The following METTL13 variants were observed in gnomAD, a reference collection of about 807,000 sequenced individuals.
The protein encoded by METTL13 is eEF1A lysine and N-terminal methyltransferase.
A neutral mutation model predicts 67.4 loss-of-function variants in METTL13; 52 were observed. That is an observed-to-expected ratio of 0.77 (90% confidence interval 0.62 to 0.97). The LOEUF is 0.97. METTL13 is among the 50% of genes least tolerant of loss of function. METTL13 has a pLI of 0.00. For missense variants in METTL13, 825 were observed against 889.6 expected, an observed-to-expected ratio of 0.93 and a Z score of 0.92; for synonymous variants, 354 against 353.6, an observed-to-expected ratio of 1.00 and a Z score of -0.01.
intron 7 of METTL13, among the ~76,000 whole-genome samples, chr1:171,795,202 A>G (rs1309716088): frequency 6.6e-6 from 1 of 152,142 alleles, no homozygotes; most frequent in Non-Finnish European, 1.5e-5. Flanking sequence ...TTGTGTTTAC[A>G]TGGCTTATTT....
At position 171,796,778 on chromosome 1, in the gene METTL13, C is replaced by T. The variant is rs2029862879; in HGVS notation, c.*22C>T. ...GTGACTGCTTAGGCCAAGCAGCCCTCCTGCCTAGACTGACCTTGGACTCCC... is the reference window on the plus strand; with the variant it reads ...GTGACTGCTTAGGCCAAGCAGCCCTTCTGCCTAGACTGACCTTGGACTCCC... On this transcript the variant is annotated 3_prime_UTR_variant, in exon 8 of 8. Transcript: ENST00000361735. 2 of 1,605,676 alleles carry T rather than the reference C, an allele frequency of 1.2e-6. No homozygotes were observed. Among genetic ancestry groups the T allele is most frequent in the Non-Finnish European group, 1.7e-6 (2 of 1,174,602 alleles).
chr1:171,783,382 C>T (rs1362299650), intron 1 of METTL13, among the ~76,000 whole-genome samples: 1 of 152,130 alleles, frequency 6.6e-6, no homozygotes, highest in Admixed American at 6.5e-5. Flanking sequence ...TAGGGTTATT[C>T]CTGGCCTAGG....
At chr1:171,792,293 G>A in intron 6 of METTL13, 58 bp downstream of exon 6, 1 of 1,577,366 alleles carries the variant, frequency 6.3e-7, no homozygotes, top group Non-Finnish European at 8.7e-7. Flanking sequence ...GACATTGTCA[G>A]GCCCGCAAGG....
chr1:171,782,745 A>G (rs1656869212), intron 1 of METTL13, among the ~76,000 whole-genome samples: 1 of 152,152 alleles, frequency 6.6e-6, no homozygotes, highest in Non-Finnish European at 1.5e-5. Flanking sequence ...TTGTTTTTCA[A>G]ATAGTCGTTG....
chr1:171,786,918 G>T (rs906480746), intron 3 of METTL13, among the ~76,000 whole-genome samples: 1 of 151,862 alleles, frequency 6.6e-6, no homozygotes, highest in Non-Finnish European at 1.5e-5. Context: ...GAAAGCAAAG[G>T]TATCTAGAGG....
Position 171,785,936 on chromosome 1 carries a change from T to A in METTL13, c.971T>A (p.Leu324Gln). 1 of 1,613,846 alleles carries A rather than the reference T, an allele frequency of 6.2e-7. No homozygotes were observed. Among genetic ancestry groups the A allele is most frequent in the Non-Finnish European group, 8.5e-7 (1 of 1,180,004 alleles). Residue 324 changes from leucine to glutamine, a missense_variant, in exon 3 of 8, where the codon CTG (leucine) becomes CAG (glutamine). Leu to Gln is a moderately radical substitution (Grantham distance 113). Transcript: ENST00000361735. ...LFGMDEGRKQ[L>Q]AASAGFRRLI... ...GGCATGGATGAGGGCCGGAAACAGC[T>A]GGCGGCCAGTGCTGGCTTCAGGAGG...
At chr1:171,791,172 C>G (rs553092315) in intron 5 of METTL13, among the ~76,000 whole-genome samples, 1 of 152,332 alleles carries the variant, frequency 6.6e-6, no homozygotes, top group East Asian at 1.9e-4. Context: ...ATGTATGTCA[C>G]TAGAATCTCA....
chr1:171,789,848 T>TGGG (rs1657143949), intron 4 of METTL13, among the ~76,000 whole-genome samples: 1 of 99,408 alleles, frequency 1.0e-5, no homozygotes, highest in African/African-American at 3.8e-5. Flanking sequence ...TGGGGCGGGG[T>TGGG]AGGGGGGGCA....
rs1307540327 is a variant in METTL13 at position 171,796,735 on chromosome 1, C to T, written c.2079C>T (p.Leu693=). 1 of 1,613,766 alleles carries T rather than the reference C, an allele frequency of 6.2e-7. No individual in the cohort carries two copies. Among genetic ancestry groups the T allele is most frequent in the Non-Finnish European group, 8.5e-7 (1 of 1,179,892 alleles). Reference sequence around the variant, plus strand: ...ACACGTATGTCTTGTCAGATATGCTCAAGACGGTGAAAATTGTGTGACTGC... The same window carrying T: ...ACACGTATGTCTTGTCAGATATGCTTAAGACGGTGAAAATTGTGTGACTGC... The part of the protein sequence containing the change: ...WDDTYVLSDM[L]KTVKIV The change falls in exon 8 of 8, where the codon CTC becomes CTT. Residue 693 remains leucine (L), a synonymous_variant. Coordinates refer to ENST00000361735, the MANE Select transcript of METTL13 (RefSeq NM_015935.5).
chr1:171,795,042 T>A (rs141324805), intron 7 of METTL13, among the ~76,000 whole-genome samples: 101 of 152,222 alleles, frequency 6.6e-4, no homozygotes, highest in African/African-American at 2.3e-3. Context: ...CCCAGGCTGG[T>A]CTCAAACTCC....
In METTL13 at chr1:171,797,331, T is replaced by C. The variant is rs1221079662; in HGVS notation, c.*575T>C. 6.5e-6 allele frequency: 1 copy of C among 153,274 alleles called. No homozygotes were observed. Among genetic ancestry groups the C allele is most frequent in the Non-Finnish European group, 1.5e-5 (1 of 68,884 alleles). 9.5% of individuals were successfully genotyped at this position (153,274 alleles called of 1,614,324 possible). On this transcript the variant is annotated 3_prime_UTR_variant, in exon 8 of 8. Coordinates refer to ENST00000361735, the MANE Select transcript of METTL13 (RefSeq NM_015935.5). ...CCACTTCATTATTTGACAGCTTTCC[T>C]TGGTGACCCAAACCTTGTAGCCTAA...
intron 4 of METTL13, among the ~76,000 whole-genome samples, chr1:171,789,964 A>G (rs907834984): frequency 1.3e-5 from 2 of 152,186 alleles, no homozygotes; most frequent in African/African-American, 2.4e-5. Context: ...ATAATTTGTA[A>G]AGAAAAGACT....
chr1:171,788,624 G>A (rs1438337336), intron 4 of METTL13, among the ~76,000 whole-genome samples: 1 of 152,062 alleles, frequency 6.6e-6, no homozygotes, highest in East Asian at 1.9e-4. Context: ...CCCCCGATGG[G>A]GAATCAATAG....
chr1:171,787,584 A>C, intron 3 of METTL13, 151 bp from the exon 4 acceptor site: 3 of 645,958 alleles, frequency 4.6e-6, no homozygotes, highest in African/African-American at 1.8e-5. Context: ...AGGCTCCAGA[A>C]AAGTACTTTA....
In METTL13 at chr1:171,784,190, T is replaced by C. The variant is rs753936702; in HGVS notation, c.604T>C (p.Leu202=). Residue 202 remains leucine, a synonymous_variant, in exon 2 of 8, where the codon TTG becomes CTG. Coordinates refer to ENST00000361735, the MANE Select transcript of METTL13 (RefSeq NM_015935.5). ...QVLEAEPQFS[L]PVFAFIMTKF... ...GTTGGAAGCAGAGCCTCAGTTCTCCTTGCCTGTCTTTGCCTTCATCATGAC... is the reference window on the plus strand; with the variant it reads ...GTTGGAAGCAGAGCCTCAGTTCTCCCTGCCTGTCTTTGCCTTCATCATGAC... 6.2e-7 allele frequency: 1 copy of C among 1,614,168 alleles called. No homozygotes were observed. The highest frequency in any genetic ancestry group is 8.5e-7 in the Non-Finnish European group (1 of 1,180,048).
intron 6 of METTL13, among the ~76,000 whole-genome samples, chr1:171,793,212 G>A (rs1416732005): frequency 1.3e-5 from 2 of 152,192 alleles, no homozygotes; most frequent in East Asian, 1.9e-4. Flanking sequence ...TTGAACAGAT[G>A]CTATCTTAAT....
chr1:171,790,762 G>T, intron 5 of METTL13, 146 bp downstream of exon 5: 10 of 865,992 alleles, frequency 1.2e-5, no homozygotes, highest in Non-Finnish European at 1.4e-5. Flanking sequence ...ATAAGTTAAT[G>T]AGCATTCTAA....
intron 7 of METTL13, among the ~76,000 whole-genome samples, chr1:171,795,459 G>A (rs903661746): frequency 2.0e-5 from 3 of 152,196 alleles, no homozygotes; most frequent in Non-Finnish European, 2.9e-5. Context: ...CAAAGTGGTT[G>A]TAGCAGTTCA....
intron 3 of METTL13, among the ~76,000 whole-genome samples, chr1:171,786,854 G>A (rs766998694): frequency 1.3e-5 from 2 of 151,342 alleles, no homozygotes; most frequent in African/African-American, 4.9e-5. Context: ...TACATTTTTT[G>A]TAGAGACAGG....
Sources: allele counts gnomAD v4.1 joint callset (sites outside exome capture counted in the v4.1 genomes callset), GRCh38; gene constraint gnomAD v4.1.1; transcripts MANE v1.5; gene names NCBI Gene and HGNC (gene_info 2026-07-23, HGNC 2026-07-21).